The following SLC1A3 variants were observed in gnomAD, a reference collection of about 807,000 sequenced individuals.
SLC1A3 encodes the protein excitatory amino acid transporter 1.
Under a neutral mutation model 48.1 loss-of-function variants are expected in SLC1A3, and 21 were observed. That is an observed-to-expected ratio of 0.44 (90% CI 0.31 to 0.63). The LOEUF (loss-of-function observed/expected upper bound fraction) is 0.63. Among genes scored for constraint, SLC1A3 ranks in the 20% least tolerant of loss-of-function variants. The pLI, the probability that SLC1A3 is intolerant of heterozygous loss-of-function variation, is 0.08. For synonymous variants in SLC1A3, 239 were observed against 251.4 expected, an observed-to-expected ratio of 0.95 and a Z score of 0.47; for missense variants, 546 against 689.0, an observed-to-expected ratio of 0.79 and a Z score of 2.32.
chr5:36,638,180 A>G (rs985967956), intron 3 of SLC1A3, among the ~76,000 whole-genome samples: 2 of 152,152 alleles, frequency 1.3e-5, no homozygotes, highest in East Asian at 3.9e-4. Context: ...AATGGAATGC[A>G]CTGTTAACAT....
At chr5:36,612,951 A>G (rs7728680) in intron 2 of SLC1A3, 147,643 of 412,662 alleles carry the variant, frequency 0.36, 28,031 homozygotes, top group Admixed American at 0.51. Flanking sequence ...CTGAAAGCCC[A>G]CTGGTGAGAC....
chr5:36,663,380 A>ATTTTTTT (rs1156283585), intron 3 of SLC1A3, among the ~76,000 whole-genome samples: 103 of 69,326 alleles, frequency 1.5e-3, no homozygotes, highest in African/African-American at 3.0e-3. Flanking sequence ...CACGCCCGGC[A>ATTTTTTT]TTTTTTTTTT....
intron 3 of SLC1A3, among the ~76,000 whole-genome samples, chr5:36,651,304 C>T (rs1741060186): frequency 6.6e-6 from 1 of 151,598 alleles, no homozygotes; most frequent in African/African-American, 2.4e-5. Context: ...GTCTGGGCAA[C>T]ACCATATTGA....
chr5:36,662,287 G>T (rs1224884681), intron 3 of SLC1A3, among the ~76,000 whole-genome samples: 1 of 152,198 alleles, frequency 6.6e-6, no homozygotes, highest in Non-Finnish European at 1.5e-5. Flanking sequence ...TTTACAGGTA[G>T]ATCCAAGGGT....
In SLC1A3 at chr5:36,686,186, GA is replaced by G; in HGVS notation, c.1547del (p.Glu516GlyfsTer4). On this transcript the variant is annotated frameshift_variant, in exon 10 of 10. Coordinates refer to ENST00000265113, the MANE Select transcript of SLC1A3 (RefSeq NM_004172.5). LOFTEE classifies it high-confidence loss of function. ...DVEMGNSVIE[E>X]NEMKKPYQLI... is the part of the protein sequence containing the mutation. ...TGAAATGGGTAACTCAGTGATTGAA[GA>G]GAATGAAATGAAGAAACCATATCAA... is the stretch of plus-strand genomic sequence containing the variant. The G allele has an allele frequency of 6.2e-7, 1 of 1,614,146 alleles. No individual in the cohort carries two copies. Among genetic ancestry groups the G allele is most frequent in the Non-Finnish European group, 8.5e-7 (1 of 1,179,954 alleles).
intron 2 of SLC1A3, chr5:36,612,742 A>G (rs1049862870): frequency 4.4e-6 from 2 of 455,520 alleles, no homozygotes; most frequent in Non-Finnish European, 8.8e-6. Context: ...CTCTCATTGT[A>G]CAGATGAAAA....
At chr5:36,663,502 A>G (rs1371077877) in intron 3 of SLC1A3, among the ~76,000 whole-genome samples, 1 of 149,688 alleles carries the variant, frequency 6.7e-6, no homozygotes, top group Non-Finnish European at 1.5e-5. Flanking sequence ...CAGCCTCCCA[A>G]AGTACTGGGA....
chr5:36,647,017 G>C (rs1043308464), intron 3 of SLC1A3, among the ~76,000 whole-genome samples: 2 of 152,148 alleles, frequency 1.3e-5, no homozygotes, highest in Non-Finnish European at 2.9e-5. Flanking sequence ...GGATAGAACT[G>C]GTCCTGTGGG....
intron 3 of SLC1A3, among the ~76,000 whole-genome samples, chr5:36,652,579 T>C (rs1741128550): frequency 2.0e-5 from 3 of 152,190 alleles, no homozygotes; most frequent in Admixed American, 1.3e-4. Flanking sequence ...CACAAAGAGC[T>C]AGATTCACGT....
At chr5:36,647,117 C>T (rs991856881) in intron 3 of SLC1A3, among the ~76,000 whole-genome samples, 3 of 152,182 alleles carry the variant, frequency 2.0e-5, no homozygotes, top group African/African-American at 7.2e-5. Flanking sequence ...TCTCATATGA[C>T]ACCACATTAC....
intron 2 of SLC1A3, chr5:36,612,844 G>T: frequency 2.2e-6 from 1 of 456,088 alleles, no homozygotes; most frequent in South Asian, 1.5e-5. Context: ...TCACCACACT[G>T]TTCTGGGTGC....
chr5:36,667,794 A>G (rs1488904401), intron 3 of SLC1A3: 1 of 152,154 alleles, frequency 6.6e-6, no homozygotes, highest in Non-Finnish European at 1.5e-5. Context: ...ACAATACAGT[A>G]TTTCTTTGGA....
intron 2 of SLC1A3, among the ~76,000 whole-genome samples, chr5:36,621,695 C>G (rs1471011151): frequency 6.6e-6 from 1 of 152,136 alleles, no homozygotes; most frequent in Non-Finnish European, 1.5e-5. Context: ...GAGTTAAGGG[C>G]TAGGACTAGA....
intron 3 of SLC1A3, among the ~76,000 whole-genome samples, chr5:36,665,097 C>G (rs1741684713): frequency 6.6e-6 from 1 of 152,012 alleles, no homozygotes; most frequent in Non-Finnish European, 1.5e-5. Flanking sequence ...CAGAATGAAC[C>G]TCATTATTTT....
At chr5:36,643,497 T>A (rs1194997883) in intron 3 of SLC1A3, among the ~76,000 whole-genome samples, 1 of 152,214 alleles carries the variant, frequency 6.6e-6, no homozygotes, top group Non-Finnish European at 1.5e-5. Flanking sequence ...CCTTTGCCCA[T>A]TTTTTAATGG....
intron 2 of SLC1A3, among the ~76,000 whole-genome samples, chr5:36,611,555 T>C (rs774517208): frequency 6.6e-6 from 1 of 152,184 alleles, no homozygotes; most frequent in Non-Finnish European, 1.5e-5. Flanking sequence ...TTCTAAGCAA[T>C]GTCAAAGTCT....
At chr5:36,674,334 A>G (rs532433761) in intron 5 of SLC1A3, among the ~76,000 whole-genome samples, 1 of 152,300 alleles carries the variant, frequency 6.6e-6, no homozygotes, top group Admixed American at 6.5e-5. Flanking sequence ...TGAGTCTGCT[A>G]TTGTTAAGAA....
intron 3 of SLC1A3, among the ~76,000 whole-genome samples, chr5:36,656,592 A>C (rs889577962): frequency 2.6e-5 from 4 of 152,256 alleles, no homozygotes; most frequent in Non-Finnish European, 5.9e-5. Flanking sequence ...TCTAGCAACA[A>C]AAGAACTCCT....
intron 3 of SLC1A3, among the ~76,000 whole-genome samples, chr5:36,633,045 G>A (rs918563474): frequency 2.6e-5 from 4 of 152,174 alleles, no homozygotes; most frequent in Non-Finnish European, 5.9e-5. Context: ...ATAGGGGTTT[G>A]GTGCCAGTTT....
Sources: gnomAD v4.1 joint callset for allele counts (sites outside exome capture counted in the v4.1 genomes callset) on GRCh38, gnomAD v4.1.1 for gene constraint, MANE v1.5 for transcripts, NCBI Gene and HGNC (gene_info 2026-07-23, HGNC 2026-07-21) for gene names.